CPE: variants seen among roughly 807,000 people sequenced by gnomAD.
The protein encoded by CPE is carbocypeptidase E.
A neutral mutation model predicts 53.5 loss-of-function variants in CPE; 17 were observed. That is an observed-to-expected ratio of 0.32 (90% CI 0.22 to 0.48). The LOEUF (loss-of-function observed/expected upper bound fraction) is 0.48. CPE is among the 20% of genes least tolerant of loss of function. The pLI is 0.99. For synonymous variants in CPE, 226 were observed against 228.8 expected (o/e 0.99, Z 0.11); for missense variants, 524 against 614.7 (o/e 0.85, Z 1.56).
intron 1 of CPE, among the ~76,000 whole-genome samples, chr4:165,391,078 A>G (rs1730671220): frequency 6.6e-6 from 1 of 152,124 alleles, no homozygotes. Flanking sequence ...TATCTTAAAA[A>G]ATTACACCTA....
intron 1 of CPE, among the ~76,000 whole-genome samples, chr4:165,424,690 C>G (rs112778025): frequency 3.3e-5 from 5 of 151,342 alleles, no homozygotes; most frequent in Non-Finnish European, 7.4e-5. Context: ...CCCGCCACCA[C>G]GCCCGGCTAA....
intron 1 of CPE, chr4:165,404,828 T>C: frequency 1.3e-6 from 1 of 766,918 alleles, no homozygotes; most frequent in Non-Finnish European, 2.4e-6. Context: ...TGTGATCATC[T>C]CCAGCAGCTG....
chr4:165,464,487 C>T lies in CPE; in HGVS notation c.405C>T (p.Tyr135=), dbSNP rs1298858763. ...TGGCCCAGTACCTATGCAACGAATACCAGAAGGGGAACGAGACAATTGTCA... is the reference window on the plus strand; with the variant it reads ...TGGCCCAGTACCTATGCAACGAATATCAGAAGGGGAACGAGACAATTGTCA... The part of the protein sequence containing the change: ...IFLAQYLCNE[Y]QKGNETIVNL... Residue 135 remains tyrosine (Y), a synonymous_variant, in exon 2 of 9, where the codon TAC becomes TAT. Transcript: ENST00000402744. 1 of 1,613,770 alleles carries T rather than the reference C, an allele frequency of 6.2e-7. No individual in the cohort carries two copies. The highest frequency in any genetic ancestry group is 8.5e-7 in the Non-Finnish European group (1 of 1,179,904).
chr4:165,385,413 TA>T (rs1172784065), intron 1 of CPE, among the ~76,000 whole-genome samples: 1 of 112,926 alleles, frequency 8.9e-6, no homozygotes, highest in Non-Finnish European at 1.7e-5. Flanking sequence ...TCCCTCTTCT[TA>T]CTGTTTTATT....
At chr4:165,405,405 A>G in intron 1 of CPE, 1 of 971,698 alleles carries the variant, frequency 1.0e-6, no homozygotes, top group Non-Finnish European at 1.7e-6. Context: ...TCAGAGAGAT[A>G]ACCAGCATCG....
At chr4:165,476,506 G>A (rs942133788) in intron 3 of CPE, among the ~76,000 whole-genome samples, 5 of 151,572 alleles carry the variant, frequency 3.3e-5, no homozygotes, top group East Asian at 3.9e-4. Context: ...CTCTCGGTGC[G>A]CATGTATGAA....
In CPE at chr4:165,484,727, G is replaced by A. The variant is rs535204277; in HGVS notation, c.973+123G>A. The A allele has an allele frequency of 1.7e-5, 16 of 922,182 alleles. No homozygotes were observed. In the African/African-American group the frequency reaches 2.5e-4, roughly 15 times the overall value. 57.1% of individuals were successfully genotyped at this position (922,182 alleles called of 1,614,324 possible). A position where few individuals can be genotyped will look rare whatever the true frequency, so the allele number is the denominator to read the frequency against. On this transcript the variant is annotated intron_variant, in intron 5 of 8. Coordinates refer to ENST00000402744, the MANE Select transcript of CPE (RefSeq NM_001873.4). Reference sequence around the variant, plus strand: ...GTCCTCCATCATTAAAAAGTAGACTGAATCTATAGTTCTTCCATTAAAGTC... The same window carrying A: ...GTCCTCCATCATTAAAAAGTAGACTAAATCTATAGTTCTTCCATTAAAGTC...
intron 8 of CPE, 98 bp downstream of exon 8, chr4:165,495,775 C>A: frequency 2.6e-6 from 2 of 769,160 alleles, no homozygotes; most frequent in Non-Finnish European, 4.0e-6. Flanking sequence ...TTCGTACTAG[C>A]CCTATGAGGT....
chr4:165,435,095 G>A (rs1438121), intron 1 of CPE, among the ~76,000 whole-genome samples: 89,242 of 152,048 alleles, frequency 0.59, 26,616 homozygotes, highest in East Asian at 0.75. Context: ...TGCTTCTTGT[G>A]CAGCCTGCAA....
chr4:165,481,004 A>G (rs1462978982), intron 3 of CPE, among the ~76,000 whole-genome samples: 22 of 55,648 alleles, frequency 4.0e-4, no homozygotes, highest in Non-Finnish European at 5.9e-4. Flanking sequence ...GGATATATAT[A>G]TATATATATA....
At chr4:165,493,438 G>A (rs1247412475) in intron 7 of CPE, among the ~76,000 whole-genome samples, 168 bp downstream of exon 7, 1 of 152,178 alleles carries the variant, frequency 6.6e-6, no homozygotes, top group Admixed American at 6.5e-5. Flanking sequence ...CAGGTCAGGC[G>A]GAGTGAGTGG....
intron 3 of CPE, among the ~76,000 whole-genome samples, chr4:165,470,775 G>C (rs1560891961): frequency 1.3e-5 from 2 of 152,110 alleles, no homozygotes; most frequent in East Asian, 3.9e-4. Context: ...AATGGATAAA[G>C]GTCAGTCTTC....
chr4:165,418,901 A>C (rs1210543070), intron 1 of CPE, among the ~76,000 whole-genome samples: 2 of 152,196 alleles, frequency 1.3e-5, no homozygotes, highest in Non-Finnish European at 2.9e-5. Flanking sequence ...TTGGAATAGT[A>C]TGAGATAATT....
chr4:165,379,609 G>T lies in CPE; in HGVS notation c.307+81G>T. 2 of 1,199,536 alleles carry T rather than the reference G, an allele frequency of 1.7e-6. No individual in the cohort carries two copies. Among genetic ancestry groups the T allele is most frequent in the Non-Finnish European group, 2.2e-6 (2 of 893,520 alleles). 74.3% of individuals were successfully genotyped at this position (1,199,536 alleles called of 1,614,324 possible). A position where few individuals can be genotyped will look rare whatever the true frequency, so the allele number is the denominator to read the frequency against. ...GGTGGGACTGGTGGCGGTGGGGGAA[G>T]GAGGGAGGGATGGGCCCAGGGGTGC... On this transcript the variant is annotated intron_variant, in intron 1 of 8. Transcript: ENST00000402744. This position sits in a 1 kb window ranked among gnomAD's most constrained non-coding sequence, Gnocchi z 6.0.
chr4:165,438,894 A>G (rs1184241759), intron 1 of CPE, among the ~76,000 whole-genome samples: 2 of 152,206 alleles, frequency 1.3e-5, no homozygotes, highest in Non-Finnish European at 2.9e-5. Flanking sequence ...AATCAGAGGT[A>G]GAGATGCATA....
At chr4:165,419,208 T>C (rs1731169271) in intron 1 of CPE, among the ~76,000 whole-genome samples, 1 of 152,192 alleles carries the variant, frequency 6.6e-6, no homozygotes, top group Non-Finnish European at 1.5e-5. Flanking sequence ...ACTGAATATG[T>C]TGGATTCTTC....
At chr4:165,410,859 T>C (rs1731031187) in intron 1 of CPE, among the ~76,000 whole-genome samples, 1 of 152,028 alleles carries the variant, frequency 6.6e-6, no homozygotes, top group African/African-American at 2.4e-5. Context: ...TGTGTGCACT[T>C]GCACTTTGGG....
intron 6 of CPE, among the ~76,000 whole-genome samples, chr4:165,492,954 C>A (rs1460881560): frequency 6.6e-6 from 1 of 151,978 alleles, no homozygotes; most frequent in African/African-American, 2.4e-5. Flanking sequence ...TTTTGGGAAG[C>A]AAACAAGACA....
At chr4:165,392,701 C>T (rs1341062667) in intron 1 of CPE, among the ~76,000 whole-genome samples, 2 of 146,458 alleles carry the variant, frequency 1.4e-5, no homozygotes, top group Non-Finnish European at 3.0e-5. Flanking sequence ...TGGAGCTTAT[C>T]GTAGTATAAG....
Sources: gnomAD v4.1 joint callset for allele counts (sites outside exome capture counted in the v4.1 genomes callset) on GRCh38, gnomAD v4.1.1 for gene constraint, Gnocchi (gnomAD v3.1) non-coding constraint, MANE v1.5 for transcripts, NCBI Gene and HGNC (gene_info 2026-07-23, HGNC 2026-07-21) for gene names.